Variants in TCAIM observed in about 807,000 individuals in gnomAD.
The protein encoded by TCAIM is T cell activation inhibitor, mitochondrial.
A neutral mutation model predicts 58.6 loss-of-function variants in TCAIM; 36 were observed. The ratio of observed to expected loss-of-function variants is 0.61; its 90% CI spans 0.47 to 0.81. The LOEUF (loss-of-function observed/expected upper bound fraction) is 0.81. TCAIM is among the 30% of genes least tolerant of loss of function. The pLI, the probability that TCAIM is intolerant of heterozygous loss-of-function variation, is 0.00. For synonymous variants in TCAIM, 172 were observed against 193.6 expected, an observed-to-expected ratio of 0.89 and a Z score of 0.93; for missense variants, 466 against 579.6, an observed-to-expected ratio of 0.80 and a Z score of 2.01.
intron 8 of TCAIM, among the ~76,000 whole-genome samples, chr3:44,398,911 T>C (rs1701981122): frequency 6.6e-6 from 1 of 152,162 alleles, no homozygotes; most frequent in South Asian, 2.1e-4. Context: ...AGTGAAAAAG[T>C]CAGTCTCAAA....
intron 3 of TCAIM, chr3:44,359,197 A>C (rs888916195): frequency 2.2e-5 from 11 of 490,240 alleles, no homozygotes; most frequent in Non-Finnish European, 2.9e-5. Flanking sequence ...CCTGGGCAAC[A>C]TAGTGAGTCC....
At chr3:44,359,483 A>G (rs957763048) in intron 3 of TCAIM, 1 of 152,234 alleles carries the variant, frequency 6.6e-6, no homozygotes, top group Non-Finnish European at 1.5e-5. Context: ...GCTGCACTGT[A>G]TTAATTTGAC....
chr3:44,386,647 TG>T, intron 5 of TCAIM, among the ~76,000 whole-genome samples: 1 of 152,262 alleles, frequency 6.6e-6, no homozygotes, highest in East Asian at 1.9e-4. Flanking sequence ...AGAGCAAATT[TG>T]TGGCAGAGCC....
At chr3:44,401,122 CTGAAG>C (rs1702015608) in intron 9 of TCAIM, 76 bp from the exon 10 acceptor site, 1 of 1,532,076 alleles carries the variant, frequency 6.5e-7, no homozygotes, top group African/African-American at 1.4e-5. Context: ...TTTTATTTTC[CTGAAG>C]ACTAATAAAA....
intron 4 of TCAIM, among the ~76,000 whole-genome samples, chr3:44,363,920 C>CTTTTTTTTTTT (rs56361211): frequency 1.5e-5 from 1 of 67,390 alleles, no homozygotes; most frequent in Non-Finnish European, 2.6e-5. Flanking sequence ...GCAAGTCTGT[C>CTTTTTTTTTTT]TTTTTTTTTT....
chr3:44,398,355 G>T (rs7614878), intron 8 of TCAIM, among the ~76,000 whole-genome samples: 2 of 152,050 alleles, frequency 1.3e-5, no homozygotes, highest in Admixed American at 1.3e-4. Context: ...ATTTGAACCC[G>T]GGAGACGGAA....
rs139713044 is a variant in TCAIM at position 44,345,141 on chromosome 3, G to A, written c.-45+6307G>A. ...GGGCGACGTTTCTCAGGGCTGCTTCGAGCAGGATTGGGGCGGCGTGGGAAC... is the reference window on the plus strand; with the variant it reads ...GGGCGACGTTTCTCAGGGCTGCTTCAAGCAGGATTGGGGCGGCGTGGGAAC... On this transcript the variant is annotated intron_variant, in intron 1 of 10. Transcript: ENST00000342649. Among the ~76,000 whole-genome samples the A allele has an allele frequency of 9.7e-3, 1,470 of 152,224 alleles. 10 individuals carry two copies. Among genetic ancestry groups the A allele is most frequent in the Middle Eastern group, 0.02 (6 of 294 alleles).
At chr3:44,388,908 T>G (rs1005165179) in intron 5 of TCAIM, among the ~76,000 whole-genome samples, 2 of 152,218 alleles carry the variant, frequency 1.3e-5, no homozygotes, top group Non-Finnish European at 2.9e-5. Context: ...AGGGATTGGT[T>G]TGTAGACACC....
intron 1 of TCAIM, among the ~76,000 whole-genome samples, chr3:44,352,145 G>A (rs1701105837): frequency 6.6e-6 from 1 of 150,592 alleles, no homozygotes; most frequent in South Asian, 2.1e-4. Context: ...TGACAGAATA[G>A]GACTTTAGCC....
At chr3:44,356,390 G>A (rs749517176) in intron 2 of TCAIM, among the ~76,000 whole-genome samples, 24 of 152,000 alleles carry the variant, frequency 1.6e-4, no homozygotes, top group Non-Finnish European at 2.2e-4. Flanking sequence ...AACTGGGCAC[G>A]GTGGCGTGCA....
intron 5 of TCAIM, among the ~76,000 whole-genome samples, chr3:44,376,870 C>T (rs144344579): frequency 0.012 from 1,751 of 152,238 alleles, 37 homozygotes; most frequent in African/African-American, 0.04. Flanking sequence ...GGGTGGATCA[C>T]GAGGTCAGGA....
intron 1 of TCAIM, among the ~76,000 whole-genome samples, chr3:44,349,937 G>A (rs6807410): frequency 0.51 from 76,281 of 149,034 alleles, 20,050 homozygotes; most frequent in East Asian, 0.81. Flanking sequence ...ACCCGAGGTC[G>A]TAGGTGGATC....
chr3:44,361,431 A>G lies in TCAIM; in HGVS notation c.232A>G (p.Lys78Glu). The G allele has an allele frequency of 2.5e-6, 4 of 1,613,294 alleles. No individual in the cohort carries two copies. Among genetic ancestry groups the G allele is most frequent in the Non-Finnish European group, 3.4e-6 (4 of 1,179,642 alleles). ...AGAAAACCTCCAGAAACCAGGCTTC[A>G]AGTCTTTGAAACCAACTCAGCTTAC... ...YLENLQKPGF[K>E]SLKPTQLTFY... The change falls in exon 4 of 11, where the codon AAG becomes GAG. Residue 78 changes from lysine to glutamate, a missense_variant. By Grantham distance (56) the Lys-to-Glu change is moderately conservative. Coordinates refer to ENST00000342649, the MANE Select transcript of TCAIM (RefSeq NM_173826.4).
In TCAIM at chr3:44,342,581, G is replaced by A. The variant is rs1361313044; in HGVS notation, c.-45+3747G>A. The stretch of plus-strand genomic sequence containing the variant: ...ATCTCTAGCTTTTTCGTTTATCCTA[G>A]CACATTGCCAGATGGTTTGATGAAG... On this transcript the variant is annotated intron_variant, in intron 1 of 10. Coordinates refer to ENST00000342649, the MANE Select transcript of TCAIM (RefSeq NM_173826.4). Among the ~76,000 whole-genome samples, 3 of 151,874 alleles carry A rather than the reference G, an allele frequency of 2.0e-5. No individual in the cohort carries two copies. In the East Asian group the frequency reaches 5.8e-4, roughly 29 times the overall value.
intron 1 of TCAIM, among the ~76,000 whole-genome samples, chr3:44,345,505 C>G (rs1700947847): frequency 6.6e-6 from 1 of 152,150 alleles, no homozygotes; most frequent in Non-Finnish European, 1.5e-5. Context: ...GTAAAAACAA[C>G]ACTCTTCGTT....
At chr3:44,392,775 A>C in intron 5 of TCAIM, 80 bp from the exon 6 acceptor site, 9 of 1,288,678 alleles carry the variant, frequency 7.0e-6, no homozygotes, top group African/African-American at 1.5e-5. Context: ...TGAATATGCA[A>C]GTGCATGCAT....
chr3:44,384,326 C>A (rs1352139473), intron 5 of TCAIM, among the ~76,000 whole-genome samples: 2 of 152,182 alleles, frequency 1.3e-5, no homozygotes, highest in Non-Finnish European at 2.9e-5. Context: ...CCGTGTGTTT[C>A]CACATTGATC....
intron 10 of TCAIM, among the ~76,000 whole-genome samples, chr3:44,406,057 C>T (rs1033723582): frequency 6.6e-6 from 1 of 151,956 alleles, no homozygotes; most frequent in Non-Finnish European, 1.5e-5. Context: ...CAACCCTGGG[C>T]AACCTTAACA....
chr3:44,358,550 C>T (rs1701242311), intron 3 of TCAIM: 1 of 361,076 alleles, frequency 2.8e-6, no homozygotes, highest in Non-Finnish European at 4.8e-6. Context: ...ACTTACATAG[C>T]ACTTACATTA....
Sources: gnomAD v4.1 joint callset for allele counts (sites outside exome capture counted in the v4.1 genomes callset) on GRCh38, gnomAD v4.1.1 for gene constraint, MANE v1.5 for transcripts, NCBI Gene and HGNC (gene_info 2026-07-23, HGNC 2026-07-21) for gene names.